The following DNAH14 variants were observed in gnomAD, a reference collection of about 807,000 sequenced individuals.
DNAH14 encodes the protein dynein axonemal heavy chain 14, also known as axonemal beta dynein heavy chain 14.
In DNAH14, 478 loss-of-function variants were observed where a neutral mutation model predicts 520.9. The observed-to-expected ratio is 0.92, with a 90% confidence interval of 0.85 to 0.99. The LOEUF is 0.99. DNAH14 is among the 50% of genes least tolerant of loss of function. The pLI, the probability that DNAH14 is intolerant of heterozygous loss-of-function variation, is 0.00. For missense variants in DNAH14, 4,831 were observed against 5,234.5 expected, an observed-to-expected ratio of 0.92 and a Z score of 2.38; for synonymous variants, 1,581 against 1,757.2, an observed-to-expected ratio of 0.90 and a Z score of 2.51.
intron 28 of DNAH14, among the ~76,000 whole-genome samples, chr1:225,143,966 T>G (rs936486059): frequency 6.6e-6 from 1 of 152,200 alleles, no homozygotes; most frequent in East Asian, 1.9e-4. Context: ...TCTACAAAGT[T>G]CAATTTGTTT....
chr1:225,247,429 A>T (rs2092349753), intron 43 of DNAH14, among the ~76,000 whole-genome samples: 1 of 152,154 alleles, frequency 6.6e-6, no homozygotes, highest in African/African-American at 2.4e-5. Flanking sequence ...ATTCAATAGG[A>T]TAAACTCCAC....
At chr1:225,223,713 CAG>C (rs1391746616) in intron 41 of DNAH14, among the ~76,000 whole-genome samples, 3 of 152,252 alleles carry the variant, frequency 2.0e-5, no homozygotes, top group East Asian at 3.9e-4. Context: ...CAGAACAAGA[CAG>C]AGAAAAATTT....
At chr1:225,164,198 T>C (rs2081819944) in intron 35 of DNAH14, among the ~76,000 whole-genome samples, 2 of 152,166 alleles carry the variant, frequency 1.3e-5, no homozygotes, top group Admixed American at 6.5e-5. Flanking sequence ...GTATATACTT[T>C]AAAGTTGTAA....
In DNAH14 at chr1:225,095,486, C is replaced by T. The variant is rs148252294; in HGVS notation, c.3574-1632C>T. On this transcript the variant is annotated intron_variant, in intron 21 of 85. Coordinates refer to ENST00000682510, the MANE Select transcript of DNAH14 (RefSeq NM_001367479.1). ...ACACGAAGAATGGAACAACAGACAC[C>T]GGGGCGTACTTGAAGGTGGAGGGTG... 1.1e-3 allele frequency among the ~76,000 whole-genome samples: 173 copies of T among 152,040 alleles called. 2 individuals are homozygous for T. In the East Asian group the frequency reaches 0.022, roughly 19 times the overall value.
At chr1:225,123,456 A>AT (rs1484748095) in intron 26 of DNAH14, 71 bp from the exon 27 acceptor site, 1 of 284,112 alleles carries the variant, frequency 3.5e-6, no homozygotes, top group Non-Finnish European at 7.6e-6. Flanking sequence ...TGACCTCGTC[A>AT]TGCTTGGTCA....
chr1:225,237,436 C>T (rs547087691), intron 42 of DNAH14, among the ~76,000 whole-genome samples: 107 of 152,164 alleles, frequency 7.0e-4, no homozygotes, highest in African/African-American at 2.4e-3. Flanking sequence ...GAATATTGGC[C>T]CCCAATGTCT....
At chr1:225,006,403 G>A (rs1201179398) in intron 9 of DNAH14, among the ~76,000 whole-genome samples, 1 of 152,184 alleles carries the variant, frequency 6.6e-6, no homozygotes, top group Non-Finnish European at 1.5e-5. Context: ...GCAGAACAGA[G>A]TCATATTTCT....
intron 66 of DNAH14, among the ~76,000 whole-genome samples, chr1:225,333,969 C>T (rs1049154008): frequency 6.6e-6 from 1 of 151,976 alleles, no homozygotes; most frequent in African/African-American, 2.4e-5. Flanking sequence ...GTTAATCCTC[C>T]GAGAATAATT....
intron 27 of DNAH14, among the ~76,000 whole-genome samples, chr1:225,134,868 T>G (rs1177315693): frequency 1.3e-5 from 2 of 152,136 alleles, no homozygotes; most frequent in East Asian, 1.9e-4. Context: ...TTTTTTTGGT[T>G]GGTAGCCTAT....
chr1:225,201,258 C>G (rs563781395), intron 38 of DNAH14, among the ~76,000 whole-genome samples: 27 of 151,828 alleles, frequency 1.8e-4, no homozygotes, highest in Middle Eastern at 3.4e-3. Flanking sequence ...AAAAATGTAT[C>G]CCCTCATTTC....
intron 16 of DNAH14, 138 bp downstream of exon 16, chr1:225,050,514 A>G: frequency 1.1e-6 from 1 of 940,110 alleles, no homozygotes; most frequent in East Asian, 3.0e-5. Context: ...TTATCTCCCC[A>G]TTTGTTTTTC....
intron 42 of DNAH14, among the ~76,000 whole-genome samples, chr1:225,233,210 A>G (rs1362930634): frequency 6.6e-6 from 1 of 152,138 alleles, no homozygotes; most frequent in East Asian, 1.9e-4. Context: ...TCTATCATTG[A>G]TGGGCATTTA....
At chr1:224,933,473 G>A (rs370048136) in intron 1 of DNAH14, among the ~76,000 whole-genome samples, 43 of 152,184 alleles carry the variant, frequency 2.8e-4, no homozygotes, top group African/African-American at 9.9e-4. Context: ...GGCTGAATGA[G>A]AGTGGTGAAA....
intron 23 of DNAH14, among the ~76,000 whole-genome samples, chr1:225,114,562 C>A (rs1181698688): frequency 6.6e-6 from 1 of 152,126 alleles, no homozygotes; most frequent in Non-Finnish European, 1.5e-5. Flanking sequence ...CTAGGACTTG[C>A]CTAGGACTTG....
chr1:225,331,638 A>G (rs913205064), intron 65 of DNAH14, 61 bp downstream of exon 65: 10 of 1,545,212 alleles, frequency 6.5e-6, no homozygotes, highest in African/African-American at 2.8e-5. Flanking sequence ...ACAACCCCCA[A>G]GATGTTATTT....
At chr1:224,985,852 C>G (rs1236966292) in intron 8 of DNAH14, among the ~76,000 whole-genome samples, 1 of 151,008 alleles carries the variant, frequency 6.6e-6, no homozygotes, top group African/African-American at 2.4e-5. Context: ...TTTGAAAATA[C>G]ACAGAGAAGA....
In DNAH14 at chr1:225,374,959, T is replaced by C. The variant is rs1464455975; in HGVS notation, c.12516+74T>C. The C allele has an allele frequency of 5.4e-6, 7 of 1,301,672 alleles. No homozygotes were observed. The East Asian group carries it at 1.3e-4, about 24-fold the overall frequency. 80.6% of individuals were successfully genotyped at this position (1,301,672 alleles called of 1,614,324 possible). A position where few individuals can be genotyped will look rare whatever the true frequency, so the allele number is the denominator to read the frequency against. ...ACATTGTTGCTTTATTTAAAATACA[T>C]ATTTAAATAAATTTTGATGTTCATT... On this transcript the variant is annotated intron_variant, in intron 78 of 85. Coordinates refer to ENST00000682510, the MANE Select transcript of DNAH14 (RefSeq NM_001367479.1).
At chr1:225,165,508 T>A (rs1034978116) in intron 35 of DNAH14, among the ~76,000 whole-genome samples, 1 of 152,098 alleles carries the variant, frequency 6.6e-6, no homozygotes, top group Admixed American at 6.6e-5. Context: ...GCTTAGTTAT[T>A]TTCTTAGTAC....
At chr1:225,191,467 G>A (rs1471766140) in intron 37 of DNAH14, among the ~76,000 whole-genome samples, 1 of 152,012 alleles carries the variant, frequency 6.6e-6, no homozygotes, top group East Asian at 1.9e-4. Flanking sequence ...CCCTTGTATT[G>A]CCTCTCTCCT....
Sources: gnomAD v4.1 joint callset for allele counts (sites outside exome capture counted in the v4.1 genomes callset) on GRCh38, gnomAD v4.1.1 for gene constraint, MANE v1.5 for transcripts, NCBI Gene and HGNC (gene_info 2026-07-23, HGNC 2026-07-21) for gene names.